ANK2: variants seen among roughly 807,000 people sequenced by gnomAD.
ANK2 encodes the protein ankyrin-2.
A neutral mutation model predicts 360.5 loss-of-function variants in ANK2; 83 were observed. The ratio of observed to expected loss-of-function variants is 0.23; its 90% CI spans 0.19 to 0.28. The LOEUF is 0.28. Among genes scored for constraint, ANK2 ranks in the 10% least tolerant of loss-of-function variants. ANK2 has a pLI of 1.00. For missense variants in ANK2, 4,201 were observed against 4,795.7 expected (o/e 0.88, Z 3.66); for synonymous variants, 1,740 against 1,759.5 (o/e 0.99, Z 0.28).
Position 113,032,517 on chromosome 4 carries a change from T to C in ANK2, c.21+128003T>C, listed in dbSNP as rs10019291. Among the ~76,000 whole-genome samples the C allele has an allele frequency of 6.6e-3, 999 of 152,132 alleles. 11 individuals carry two copies. The highest frequency in any genetic ancestry group is 0.023 in the African/African-American group (958 of 41,538). ...TAAACCCTTAAATTTCCGAGTCTGGTACTGTTGGTGTTGGGACTCTGGAAA... is the reference window on the plus strand; with the variant it reads ...TAAACCCTTAAATTTCCGAGTCTGGCACTGTTGGTGTTGGGACTCTGGAAA... On this transcript the variant is annotated intron_variant, in intron 2 of 30. Transcript: ENST00000503271.
At chr4:113,318,150 G>A (rs931178857) in intron 25 of ANK2, among the ~76,000 whole-genome samples, 2 of 152,172 alleles carry the variant, frequency 1.3e-5, no homozygotes, top group African/African-American at 4.8e-5. Context: ...GAATGGTACA[G>A]GTTAAGTTAT....
intron 45 of ANK2, among the ~76,000 whole-genome samples, chr4:113,376,099 C>T (rs1431899442): frequency 2.6e-5 from 4 of 152,198 alleles, no homozygotes; most frequent in African/African-American, 7.2e-5. Flanking sequence ...ATAACTTCCA[C>T]ATGCCTAGTG....
chr4:113,006,602 G>A (rs2052958956), intron 2 of ANK2, among the ~76,000 whole-genome samples: 1 of 151,942 alleles, frequency 6.6e-6, no homozygotes, highest in Admixed American at 6.6e-5. Context: ...ATTTCTACAG[G>A]GCAATTTGGC....
chr4:112,779,779 A>C, the ANK2 span, among the ~76,000 whole-genome samples: 14 of 152,332 alleles, frequency 9.2e-5, no homozygotes, highest in South Asian at 2.9e-3. Flanking sequence ...CATATCCTAA[A>C]GTAGGAGGAA....
intron 2 of ANK2, among the ~76,000 whole-genome samples, chr4:113,008,222 T>C (rs1161627349): frequency 6.6e-6 from 1 of 152,054 alleles, no homozygotes; most frequent in Non-Finnish European, 1.5e-5. Flanking sequence ...GTAAACATTA[T>C]ATAAAGCTTT....
At chr4:112,795,118 A>T in the ANK2 span, among the ~76,000 whole-genome samples, 1 of 152,174 alleles carries the variant, frequency 6.6e-6, no homozygotes, top group African/African-American at 2.4e-5. Flanking sequence ...CAATAATAGA[A>T]GTAGGGACAG....
rs886059008 is a variant in ANK2, at chr4:113,232,244, G to A, written c.468G>A (p.Gln156=). The A allele has an allele frequency of 5.0e-6, 8 of 1,589,818 alleles. No homozygotes were observed. The highest frequency in any genetic ancestry group is 1.3e-5 in the African/African-American group (1 of 74,472). ...VKYLLENGAN[Q]STATEDGFTP... ...ATTTGCTGGAAAATGGAGCTAATCA[G>A]AGCACTGCTACAGAGGTAAGACTGT... Residue 156 remains glutamine, a synonymous_variant, in exon 5 of 46, where the codon CAG becomes CAA. Transcript: ENST00000357077.
At chr4:112,991,570 C>A (rs76717363) in intron 2 of ANK2, among the ~76,000 whole-genome samples, 2 of 149,900 alleles carry the variant, frequency 1.3e-5, no homozygotes, top group African/African-American at 2.5e-5. Flanking sequence ...CCACACCCCT[C>A]GTATTCTCTT....
At chr4:113,045,327 G>A (rs964410099), upstream of ANK2, among the ~76,000 whole-genome samples, 2 of 152,104 alleles carry the variant, frequency 1.3e-5, no homozygotes, top group African/African-American at 4.8e-5. Flanking sequence ...ATCTGACAGC[G>A]GTTTCTTTTC....
intron 2 of ANK2, among the ~76,000 whole-genome samples, chr4:112,992,739 A>G (rs2047239948): frequency 6.6e-6 from 1 of 152,160 alleles, no homozygotes; most frequent in African/African-American, 2.4e-5. Context: ...GATCTCCTCT[A>G]AACTTAATCA....
intron 14 of ANK2, 109 bp from the exon 15 acceptor site, chr4:113,274,343 T>A: frequency 8.2e-7 from 1 of 1,225,832 alleles, no homozygotes; most frequent in Non-Finnish European, 1.2e-6. Context: ...TTCTTTTGGG[T>A]GGGGTTCCTA....
upstream of ANK2, among the ~76,000 whole-genome samples, chr4:112,815,554 G>T (rs372985382): frequency 1.3e-5 from 2 of 152,180 alleles, no homozygotes; most frequent in Admixed American, 6.5e-5. Flanking sequence ...GACTCTTGGT[G>T]GGGGCAGGGG....
At position 113,357,902 on chromosome 4, in the gene ANK2, C is replaced by G. The variant is rs760097199; in HGVS notation, c.9284C>G (p.Thr3095Arg). ...ACCCCAACTGAAGAGGGGACCCCAA[C>G]AAGTGAGCAAAACCCATTTCTGTTT... is the stretch of plus-strand genomic sequence containing the variant. ...ARTPTEEGTPTSEQNPFLFQE... is the reference protein window; with the variant it reads ...ARTPTEEGTPRSEQNPFLFQE... Residue 3095 changes from threonine to arginine, a missense_variant, in exon 38 of 46, where the codon ACA becomes AGA. Thr to Arg is a moderately conservative substitution (Grantham distance 71, BLOSUM62 -1). Transcript: ENST00000357077. The G allele has an allele frequency of 1.9e-6, 3 of 1,614,088 alleles. No homozygotes were observed. The highest frequency in any genetic ancestry group is 3.3e-5 in the Admixed American group (2 of 60,012).
chr4:112,916,997 G>A (rs1052431950), intron 2 of ANK2, among the ~76,000 whole-genome samples: 1 of 152,156 alleles, frequency 6.6e-6, no homozygotes, highest in Non-Finnish European at 1.5e-5. Context: ...GGAGCAGAGA[G>A]GCATGGCTTG....
intron 2 of ANK2, among the ~76,000 whole-genome samples, chr4:112,973,505 C>T (rs1410084833): frequency 6.6e-6 from 1 of 152,216 alleles, no homozygotes; most frequent in African/African-American, 2.4e-5. Flanking sequence ...TGTCTGTTCT[C>T]TCTTTACTGA....
intron 1 of ANK2, among the ~76,000 whole-genome samples, chr4:113,054,316 T>A (rs2068522809): frequency 9.9e-6 from 1 of 100,696 alleles, no homozygotes; most frequent in African/African-American, 3.5e-5. Flanking sequence ...CAAAATATTT[T>A]GAAGGTACAC....
intron 1 of ANK2, chr4:113,160,390 A>G: frequency 2.4e-6 from 1 of 416,764 alleles, no homozygotes; most frequent in Non-Finnish European, 4.7e-6. Context: ...TGAAAAACAA[A>G]TGTAATCTTA....
At chr4:113,170,259 G>A (rs1304643031) in intron 1 of ANK2, among the ~76,000 whole-genome samples, 1 of 152,176 alleles carries the variant, frequency 6.6e-6, no homozygotes, top group African/African-American at 2.4e-5. Flanking sequence ...ACTGCTAATG[G>A]TCAGTGCACG....
chr4:113,193,512 T>C (rs144574381), intron 2 of ANK2, among the ~76,000 whole-genome samples: 1 of 152,300 alleles, frequency 6.6e-6, no homozygotes, highest in Admixed American at 6.5e-5. Context: ...TGAGAAGGGA[T>C]AGAGAACATG....
Sources: allele counts gnomAD v4.1 joint callset (sites outside exome capture counted in the v4.1 genomes callset), GRCh38; gene constraint gnomAD v4.1.1; transcripts MANE v1.5; gene names NCBI Gene and HGNC (gene_info 2026-07-23, HGNC 2026-07-21).